The following CNTN5 variants were observed in gnomAD, a reference collection of about 807,000 sequenced individuals.
CNTN5 encodes contactin-5.
A neutral mutation model predicts 129.1 loss-of-function variants in CNTN5; 77 were observed. The ratio of observed to expected loss-of-function variants is 0.60; its 90% CI spans 0.50 to 0.72. The LOEUF (loss-of-function observed/expected upper bound fraction) is 0.72, where lower values mean the gene tolerates loss of function less well. Ranked by LOEUF, CNTN5 falls within the 30% of genes least tolerant of loss-of-function variation. The pLI, the probability that CNTN5 is intolerant of heterozygous loss-of-function variation, is 0.00. For missense variants in CNTN5, 1,478 were observed against 1,328.8 expected, an observed-to-expected ratio of 1.11 and a Z score of -1.75; for synonymous variants, 509 against 465.6, an observed-to-expected ratio of 1.09 and a Z score of -1.20.
intron 1 of CNTN5, among the ~76,000 whole-genome samples, chr11:99,145,499 C>A (rs10892814): frequency 6.6e-6 from 1 of 151,702 alleles, no homozygotes; most frequent in African/African-American, 2.4e-5. Context: ...TTTTTGAAGA[C>A]GATTTTTCTT....
At chr11:100,286,351 T>C (rs1380344863) in intron 18 of CNTN5, among the ~76,000 whole-genome samples, 5 of 151,780 alleles carry the variant, frequency 3.3e-5, no homozygotes, top group Non-Finnish European at 5.9e-5. Flanking sequence ...GACTTAAATG[T>C]CCCTGTCTGA....
At chr11:99,323,452 C>A (rs529505467) in intron 1 of CNTN5, among the ~76,000 whole-genome samples, 1 of 152,008 alleles carries the variant, frequency 6.6e-6, no homozygotes, top group Non-Finnish European at 1.5e-5. Context: ...TAATTTTTTT[C>A]TTTTGCTATG....
chr11:100,200,947 T>C (rs1948764168), intron 15 of CNTN5, among the ~76,000 whole-genome samples: 1 of 151,968 alleles, frequency 6.6e-6, no homozygotes, highest in Non-Finnish European at 1.5e-5. Flanking sequence ...TTCATACCTA[T>C]ATAAACTCAG....
At chr11:99,479,536 A>G (rs921219167) in intron 2 of CNTN5, among the ~76,000 whole-genome samples, 2 of 152,066 alleles carry the variant, frequency 1.3e-5, no homozygotes, top group Non-Finnish European at 2.9e-5. Flanking sequence ...TGAAACTTAA[A>G]TAATCTAATT....
chr11:99,961,924 G>A (rs1468962577), intron 8 of CNTN5, among the ~76,000 whole-genome samples: 3 of 151,902 alleles, frequency 2.0e-5, no homozygotes, highest in Non-Finnish European at 4.4e-5. Flanking sequence ...AGCATCAGGG[G>A]AACTCACACC....
intron 13 of CNTN5, among the ~76,000 whole-genome samples, chr11:100,176,228 T>C (rs949452742): frequency 6.7e-5 from 10 of 150,076 alleles, no homozygotes; most frequent in African/African-American, 2.5e-4. Context: ...CCATGTTGGC[T>C]AGGCTGGTCA....
intron 2 of CNTN5, among the ~76,000 whole-genome samples, chr11:99,542,587 G>A (rs1000089095): frequency 7.9e-5 from 12 of 152,036 alleles, no homozygotes; most frequent in Non-Finnish European, 1.8e-4. Context: ...AGTCTCTCTG[G>A]CCCCTACTAC....
intron 13 of CNTN5, among the ~76,000 whole-genome samples, chr11:100,172,685 G>A (rs961217797): frequency 2.0e-5 from 3 of 151,990 alleles, no homozygotes; most frequent in Non-Finnish European, 4.4e-5. Flanking sequence ...TCAAGATCAT[G>A]ACAAAACAGA....
At position 100,226,025 on chromosome 11, in the gene CNTN5, TTG is replaced by T. The variant is rs535557108; in HGVS notation, c.2005+1219_2005+1220del. On this transcript the variant is annotated intron_variant, in intron 16 of 24. Coordinates refer to ENST00000524871, the MANE Select transcript of CNTN5 (RefSeq NM_014361.4). ...GGGTGATTGGTAGTTTGTTCATTTT[TTG>T]TGTGTTTCTGTTCAGAAGGCTACTT... 4.9e-3 allele frequency among the ~76,000 whole-genome samples: 740 copies of T among 152,226 alleles called. 9 individuals are homozygous for T. The highest frequency in any genetic ancestry group is 0.017 in the African/African-American group (704 of 41,572).
chr11:99,046,696 C>A (rs1462302594), intron 1 of CNTN5, among the ~76,000 whole-genome samples: 1 of 152,062 alleles, frequency 6.6e-6, no homozygotes, highest in African/African-American at 2.4e-5. Flanking sequence ...ATATCTTACA[C>A]AGGCAGGATA....
At chr11:99,101,611 G>A (rs1469758069) in intron 1 of CNTN5, among the ~76,000 whole-genome samples, 1 of 152,188 alleles carries the variant, frequency 6.6e-6, no homozygotes, top group African/African-American at 2.4e-5. Flanking sequence ...ATCCAGTGGG[G>A]CAGTCAAATC....
chr11:99,810,398 T>C (rs1946394638), intron 3 of CNTN5, among the ~76,000 whole-genome samples: 1 of 152,120 alleles, frequency 6.6e-6, no homozygotes, highest in Non-Finnish European at 1.5e-5. Flanking sequence ...GCCGTTAACT[T>C]TTTTTCTTGT....
At chr11:99,113,876 G>C (rs188640439) in intron 1 of CNTN5, among the ~76,000 whole-genome samples, 10 of 152,190 alleles carry the variant, frequency 6.6e-5, no homozygotes, top group Non-Finnish European at 1.0e-4. Context: ...CTAAAACTAA[G>C]TATCCTCTTG....
intron 2 of CNTN5, among the ~76,000 whole-genome samples, chr11:99,477,326 A>G (rs1945410926): frequency 6.6e-6 from 1 of 151,906 alleles, no homozygotes; most frequent in African/African-American, 2.4e-5. Flanking sequence ...CACAAAGAAA[A>G]TTTTGTTTTT....
At position 100,356,504 on chromosome 11, in the gene CNTN5, T is replaced by A. The variant is rs1565449118; in HGVS notation, c.*284T>A. 2.4e-6 allele frequency: 1 copy of A among 409,690 alleles called. No individual in the cohort carries two copies. The allele number at this position is 409,690 out of a possible 1,614,324, so 25.4% of individuals were successfully genotyped here. A position where few individuals can be genotyped will look rare whatever the true frequency, so the allele number is the denominator to read the frequency against. ...GGTAATTTCTGTCAAATGTATTCTT[T>A]ACTTTTTTAATATGTTGGGATTTTA... is the stretch of plus-strand genomic sequence containing the variant. On this transcript the variant is annotated 3_prime_UTR_variant, in exon 25 of 25. Coordinates refer to ENST00000524871, the MANE Select transcript of CNTN5 (RefSeq NM_014361.4).
chr11:99,699,260 A>G (rs1954411393), intron 3 of CNTN5, among the ~76,000 whole-genome samples: 1 of 151,528 alleles, frequency 6.6e-6, no homozygotes, highest in Non-Finnish European at 1.5e-5. Context: ...AAAATTCAAG[A>G]TACAACATTT....
At chr11:99,971,778 C>T (rs1325279563) in intron 8 of CNTN5, among the ~76,000 whole-genome samples, 1 of 151,528 alleles carries the variant, frequency 6.6e-6, no homozygotes, top group Non-Finnish European at 1.5e-5. Context: ...TCACTAAAGA[C>T]TAAGATAATC....
At chr11:100,114,919 GA>G (rs1306351652) in intron 13 of CNTN5, among the ~76,000 whole-genome samples, 2 of 151,680 alleles carry the variant, frequency 1.3e-5, no homozygotes, top group Non-Finnish European at 2.9e-5. Context: ...AGACAGGTAA[GA>G]ACTGCCTACC....
chr11:100,157,290 G>T (rs1378235810), intron 13 of CNTN5, among the ~76,000 whole-genome samples: 1 of 151,806 alleles, frequency 6.6e-6, no homozygotes, highest in Non-Finnish European at 1.5e-5. Context: ...TTAGAAATAA[G>T]ATTCACATGG....
Sources: allele counts gnomAD v4.1 joint callset (sites outside exome capture counted in the v4.1 genomes callset), GRCh38; gene constraint gnomAD v4.1.1; transcripts MANE v1.5; gene names NCBI Gene and HGNC (gene_info 2026-07-23, HGNC 2026-07-21).